Variants in TXLNB observed in about 807,000 individuals in gnomAD.
The protein encoded by TXLNB is beta-taxilin.
In TXLNB, 37 loss-of-function variants were observed where a neutral mutation model predicts 57.4. The ratio of observed to expected loss-of-function variants is 0.64; its 90% CI spans 0.50 to 0.85. The LOEUF (loss-of-function observed/expected upper bound fraction) is 0.85, where lower values mean the gene tolerates loss of function less well. Among genes scored for constraint, TXLNB ranks in the 40% least tolerant of loss-of-function variants. The probability of loss-of-function intolerance (pLI) is 0.00; values close to 1 mark genes in which losing one functional copy is unlikely to be tolerated. For synonymous variants in TXLNB, 302 were observed against 309.6 expected (o/e 0.98, Z 0.26); for missense variants, 848 against 825.6 (o/e 1.03, Z -0.33).
At chr6:139,252,575 G>A (rs940927334) in intron 7 of TXLNB, among the ~76,000 whole-genome samples, 1 of 152,184 alleles carries the variant, frequency 6.6e-6, no homozygotes, top group Admixed American at 6.5e-5. Context: ...TGGACAAGGC[G>A]GGGTCAACTT....
At chr6:139,205,449 A>T in the TXLNB span, among the ~76,000 whole-genome samples, 12 of 152,180 alleles carry the variant, frequency 7.9e-5, no homozygotes, top group African/African-American at 2.9e-4. Flanking sequence ...ATGGATGAAA[A>T]ATTTTCCAGA....
the TXLNB span, among the ~76,000 whole-genome samples, chr6:139,192,857 G>A: frequency 1.3e-5 from 2 of 152,088 alleles, no homozygotes; most frequent in African/African-American, 4.8e-5. Flanking sequence ...CAGCTACTTG[G>A]GAGGCTGAGG....
chr6:139,301,608 G>A, the TXLNB span, among the ~76,000 whole-genome samples: 189 of 152,244 alleles, frequency 1.2e-3, no homozygotes, highest in African/African-American at 4.4e-3. Context: ...GCACACCTGA[G>A]ATACAATGGG....
rs151303434 is a variant in TXLNB at position 139,279,328 on chromosome 6, G to A, written c.425-2407C>T. Among the ~76,000 whole-genome samples the A allele has an allele frequency of 5.9e-5, 9 of 152,236 alleles. No individual in the cohort carries two copies. The East Asian group carries it at 1.7e-3, about 29-fold the overall frequency. On this transcript the variant is annotated intron_variant, in intron 2 of 9. Transcript: ENST00000358430. ...TTGTTTTTTACTCTTCACACTCACT[G>A]AGGTCTCTTTCTGCTCTACTGTGTT...
chr6:139,225,534 C>A, the TXLNB span, among the ~76,000 whole-genome samples: 1 of 151,928 alleles, frequency 6.6e-6, no homozygotes. Context: ...CGGCAGCAAA[C>A]AATAATAGGA....
At chr6:139,224,605 A>G in the TXLNB span, among the ~76,000 whole-genome samples, 1 of 152,134 alleles carries the variant, frequency 6.6e-6, no homozygotes, top group African/African-American at 2.4e-5. Flanking sequence ...AAATTAAGAG[A>G]ATAAACAATT....
the TXLNB span, among the ~76,000 whole-genome samples, chr6:139,232,045 G>A: frequency 0.66 from 100,459 of 152,038 alleles, 33,625 homozygotes; most frequent in East Asian, 0.81. Flanking sequence ...ATCACACTGT[G>A]TATTAATCTG....
rs979185180 is a variant in TXLNB at position 139,285,614 on chromosome 6, T to A, written c.424+2862A>T. On this transcript the variant is annotated intron_variant, in intron 2 of 9. Coordinates refer to ENST00000358430, the MANE Select transcript of TXLNB (RefSeq NM_153235.4). ...TTCTTTTAATTTTATCCTAGTTGGG[T>A]GAAGTATGCTACCTGAATGTATTAT... 1.4e-5 allele frequency among the ~76,000 whole-genome samples: 2 copies of A among 145,178 alleles called. 1 individual carries two copies. Among genetic ancestry groups the A allele is most frequent in the African/African-American group, 5.1e-5 (2 of 39,428 alleles).
chr6:139,207,503 T>C, the TXLNB span, among the ~76,000 whole-genome samples: 2 of 152,296 alleles, frequency 1.3e-5, no homozygotes, highest in African/African-American at 2.4e-5. Flanking sequence ...GGAAAGTTCA[T>C]AGCATTAAAC....
At chr6:139,306,923 T>A in the TXLNB span, among the ~76,000 whole-genome samples, 4 of 152,240 alleles carry the variant, frequency 2.6e-5, no homozygotes, top group African/African-American at 9.6e-5. Flanking sequence ...CTTTCTGTGA[T>A]GTTTTAAAAC....
At chr6:139,247,232 C>G (rs1776086509) in intron 8 of TXLNB, among the ~76,000 whole-genome samples, 2 of 152,070 alleles carry the variant, frequency 1.3e-5, no homozygotes, top group African/African-American at 4.8e-5. Context: ...ACCTCTGCCT[C>G]CCAGGTTCAA....
chr6:139,201,508 G>A, the TXLNB span, among the ~76,000 whole-genome samples: 1 of 151,920 alleles, frequency 6.6e-6, no homozygotes, highest in African/African-American at 2.4e-5. Flanking sequence ...TCCTGCTCAA[G>A]CTACCTTACA....
chr6:139,284,809 G>A (rs909849152), intron 2 of TXLNB, among the ~76,000 whole-genome samples: 1 of 146,240 alleles, frequency 6.8e-6, no homozygotes, highest in Non-Finnish European at 1.5e-5. Context: ...CGATAGCACA[G>A]TACCATTTAA....
Position 139,244,605 on chromosome 6 carries a change from A to G in TXLNB, c.1256T>C (p.Met419Thr), listed in dbSNP as rs1220639817. Residue 419 changes from methionine to threonine, a missense_variant, in exon 9 of 10, where the codon ATG becomes ACG. Transcript: ENST00000358430. ...FENCNKALLD[M>T]IEEKALRAKE... ...GAGAAACTTCCTCACCTCTTCAATC[A>G]TGTCCAACAGAGCTTTGTTACAGTT... 4 of 1,612,432 alleles carry G rather than the reference A, an allele frequency of 2.5e-6. No individual in the cohort carries two copies. The highest frequency in any genetic ancestry group is 3.4e-6 in the Non-Finnish European group (4 of 1,178,548).
the TXLNB span, chr6:139,166,761 C>G: frequency 6.2e-7 from 1 of 1,613,778 alleles, no homozygotes; most frequent in Non-Finnish European, 8.5e-7. Flanking sequence ...CGGCAGAACT[C>G]CCAGGAGAAG....
chr6:139,305,626 A>G, the TXLNB span, among the ~76,000 whole-genome samples: 1 of 152,184 alleles, frequency 6.6e-6, no homozygotes, highest in Non-Finnish European at 1.5e-5. Flanking sequence ...AAAATCCCAA[A>G]CACATTGAAT....
intron 9 of TXLNB, among the ~76,000 whole-genome samples, chr6:139,244,236 T>C (rs1249249233): frequency 6.6e-6 from 1 of 152,212 alleles, no homozygotes; most frequent in Non-Finnish European, 1.5e-5. Flanking sequence ...ACTAATTAAT[T>C]TATTCAGCAC....
chr6:139,240,223 T>C lies in TXLNB; in HGVS notation c.*2303A>G, dbSNP rs1414766842. 6.6e-6 allele frequency: 1 copy of C among 152,620 alleles called. No individual in the cohort carries two copies. The highest frequency in any genetic ancestry group is 1.5e-5 in the Non-Finnish European group (1 of 68,036). 9.5% of individuals were successfully genotyped at this position (152,620 alleles called of 1,614,324 possible). A position where few individuals can be genotyped will look rare whatever the true frequency, so the allele number is the denominator to read the frequency against. On this transcript the variant is annotated 3_prime_UTR_variant, in exon 10 of 10. Coordinates refer to ENST00000358430, the MANE Select transcript of TXLNB (RefSeq NM_153235.4). ...CCTTCTGAATTTAGAACTTTATGAG[T>C]TATTGTTATAATTAGTAAGGCTAAA...
the TXLNB span, among the ~76,000 whole-genome samples, chr6:139,315,357 A>G: frequency 6.6e-6 from 1 of 152,124 alleles, no homozygotes; most frequent in Non-Finnish European, 1.5e-5. Flanking sequence ...CTCTTTGGCC[A>G]TTGCAATTGC....
Sources: allele counts gnomAD v4.1 joint callset (sites outside exome capture counted in the v4.1 genomes callset), GRCh38; gene constraint gnomAD v4.1.1; transcripts MANE v1.5; gene names NCBI Gene and HGNC (gene_info 2026-07-23, HGNC 2026-07-21).